Variants in LRCH2 observed in about 807,000 individuals in gnomAD.
LRCH2 encodes the protein leucine-rich repeat and calponin homology domain-containing protein 2.
In LRCH2, 38 loss-of-function variants were observed where a neutral mutation model predicts 68.9. That is an observed-to-expected ratio of 0.55 (90% CI 0.43 to 0.72). LRCH2 has a LOEUF of 0.72. LRCH2 is among the 30% of genes least tolerant of loss of function. The probability of loss-of-function intolerance (pLI) is 0.00; values close to 1 mark genes in which losing one functional copy is unlikely to be tolerated. For synonymous variants in LRCH2, 191 were observed against 208.1 expected (o/e 0.92, Z 0.71); for missense variants, 528 against 572.9 (o/e 0.92, Z 0.80).
intron 1 of LRCH2, among the ~76,000 whole-genome samples, chrX:115,197,837 TCTCTCTCTCTCA>T (rs1188288485): frequency 2.2e-5 from 1 of 45,787 alleles, no homozygotes; most frequent in Non-Finnish European, 4.1e-5. Context: ...TCTCTCTCTC[TCTCTCTCTCTCA>T]CACACACACA....
chrX:115,182,149 C>T (rs1182454378), intron 3 of LRCH2, among the ~76,000 whole-genome samples: 1 of 111,130 alleles, frequency 9.0e-6, no homozygotes, highest in African/African-American at 3.3e-5. Context: ...AACCAATCCC[C>T]CATAGAGGGA....
intron 14 of LRCH2, among the ~76,000 whole-genome samples, chrX:115,140,575 G>A (rs1307970214): frequency 2.7e-5 from 3 of 111,048 alleles, no homozygotes; most frequent in Non-Finnish European, 3.8e-5. Flanking sequence ...TCTAGGCCTC[G>A]GCTCTTGGGC....
intron 1 of LRCH2, among the ~76,000 whole-genome samples, chrX:115,224,208 A>T (rs1300286596): frequency 2.7e-5 from 3 of 111,447 alleles, no homozygotes; most frequent in African/African-American, 9.8e-5. Context: ...CTAGGGTTTG[A>T]TTGGTTGGGG....
Position 115,233,856 on chromosome X carries a change from G to A in LRCH2, c.186C>T (p.Asn62=), listed in dbSNP as rs2073170066. 1.7e-6 allele frequency: 2 copies of A among 1,166,933 alleles called. No homozygotes were observed. Among genetic ancestry groups the A allele is most frequent in the Admixed American group, 2.6e-5 (1 of 38,718 alleles). ...GGCTCCCCGGGTTCCACGGCGGCCC[G>A]TTGGGGAACGGCTGACCGAAAAGAG... ...VPTLFGQPFP[N]GPPWNPGSLQ... The change falls in exon 1 of 21, where the codon AAC becomes AAT. Residue 62 remains asparagine, a synonymous_variant. Coordinates refer to ENST00000317135, the MANE Select transcript of LRCH2 (RefSeq NM_020871.4).
rs1350385954 is a variant in LRCH2, at chrX:115,110,655, A to G, written c.*2561T>C. On this transcript the variant is annotated 3_prime_UTR_variant, in exon 21 of 21. Transcript: ENST00000317135. The stretch of plus-strand genomic sequence containing the variant: ...TTTATCCACAGTTTGCATCGGTAAT[A>G]TACATTTAAGTGTTCCATTTATTTT... 1 of 112,211 alleles carries G rather than the reference A, an allele frequency of 8.9e-6. No individual in the cohort carries two copies. The highest frequency in any genetic ancestry group is 1.9e-5 in the Non-Finnish European group (1 of 53,201). 9.2% of individuals were successfully genotyped at this position (112,211 alleles called of 1,213,427 possible). A position where few individuals can be genotyped will look rare whatever the true frequency, so the allele number is the denominator to read the frequency against.
chrX:115,192,328 G>A (rs1556561160), intron 1 of LRCH2: 1 of 1,081,340 alleles, frequency 9.2e-7, no homozygotes. Flanking sequence ...CCACAGTGGG[G>A]GCCGCGACAG....
At chrX:115,184,303 T>G (rs1556553660) in intron 3 of LRCH2, 108 bp downstream of exon 3, 11 of 620,528 alleles carry the variant, frequency 1.8e-5, no homozygotes, top group Non-Finnish European at 2.5e-5. Context: ...TATACCAAGT[T>G]AGTACTTTTT....
intron 1 of LRCH2, 130 bp downstream of exon 1, chrX:115,233,563 C>T: frequency 7.5e-6 from 5 of 667,935 alleles, no homozygotes; most frequent in Non-Finnish European, 1.1e-5. Flanking sequence ...ACGGGCTGCC[C>T]CGACTTTGTT....
intron 1 of LRCH2, chrX:115,191,882 G>C (rs1224520516): frequency 1.7e-6 from 2 of 1,165,659 alleles, no homozygotes; most frequent in East Asian, 3.3e-5. Flanking sequence ...CCCTGCAGAG[G>C]AGGAGGCCGC....
At chrX:115,160,253 T>C (rs1158665168) in intron 11 of LRCH2, among the ~76,000 whole-genome samples, 7 of 110,351 alleles carry the variant, frequency 6.3e-5, no homozygotes, top group Non-Finnish European at 1.3e-4. Context: ...GAGGTGGAGG[T>C]TGTGGTGAGC....
chrX:115,135,536 AG>A (rs1209594241), intron 14 of LRCH2, among the ~76,000 whole-genome samples: 1 of 111,929 alleles, frequency 8.9e-6, no homozygotes, highest in Non-Finnish European at 1.9e-5. Flanking sequence ...GGGATTTTTA[AG>A]GTAGAATTTA....
chrX:115,189,841 G>C, intron 1 of LRCH2: 1 of 1,167,220 alleles, frequency 8.6e-7, no homozygotes, highest in East Asian at 3.3e-5. Flanking sequence ...CCGCGGCTAC[G>C]CGGGGTATTT....
chrX:115,148,213 T>A (rs2072403491), intron 14 of LRCH2, among the ~76,000 whole-genome samples: 1 of 112,508 alleles, frequency 8.9e-6, no homozygotes, highest in Non-Finnish European at 1.9e-5. Context: ...TATTACTAAG[T>A]GAACTGAAGA....
rs181473397 is a variant in LRCH2 at position 115,194,378 on chromosome X, G to A, written c.350-6008C>T. On this transcript the variant is annotated intron_variant, in intron 1 of 20. Coordinates refer to ENST00000317135, the MANE Select transcript of LRCH2 (RefSeq NM_020871.4). ...CCTCTGGATACCCAAGCATCACACAGTTCTATTGGGGAAGAAAGTGAAGTC... is the reference window on the plus strand; with the variant it reads ...CCTCTGGATACCCAAGCATCACACAATTCTATTGGGGAAGAAAGTGAAGTC... Among the ~76,000 whole-genome samples, 29 of 111,968 alleles carry A rather than the reference G, an allele frequency of 2.6e-4. No individual in the cohort carries two copies. The South Asian group carries it at 0.01, about 39-fold the overall frequency.
chrX:115,178,422 A>T (rs193037044), intron 5 of LRCH2, among the ~76,000 whole-genome samples: 1 of 112,519 alleles, frequency 8.9e-6, no homozygotes, highest in East Asian at 2.8e-4. Flanking sequence ...GTATTGGACC[A>T]GTGTCGATTA....
At chrX:115,214,609 GA>G (rs1391915918) in intron 1 of LRCH2, among the ~76,000 whole-genome samples, 7 of 111,717 alleles carry the variant, frequency 6.3e-5, no homozygotes, top group Admixed American at 9.5e-5. Flanking sequence ...AAAAATGAAG[GA>G]AAAAAATGCT....
Position 115,112,992 on chromosome X carries a change from ATT to A in LRCH2, c.*222_*223del, listed in dbSNP as rs782562059. 26 of 251,496 alleles carry A rather than the reference ATT, an allele frequency of 1.0e-4. No individual in the cohort carries two copies. The highest frequency in any genetic ancestry group is 7.4e-4 in the African/African-American group (26 of 35,298). 20.7% of individuals were successfully genotyped at this position (251,496 alleles called of 1,213,427 possible). On this transcript the variant is annotated 3_prime_UTR_variant, in exon 21 of 21. Coordinates refer to ENST00000317135, the MANE Select transcript of LRCH2 (RefSeq NM_020871.4). Reference sequence around the variant, plus strand: ...TATCAACTGACTTAGTAAAAAGAGAATTTGAGTTTATCAAATACTCTTATTAA... The same window carrying A: ...TATCAACTGACTTAGTAAAAAGAGAATGAGTTTATCAAATACTCTTATTAA...
Position 115,110,868 on chromosome X carries a change from A to T in LRCH2, c.*2348T>A, listed in dbSNP as rs1603011392. 8.9e-6 allele frequency: 1 copy of T among 111,865 alleles called. No individual in the cohort carries two copies. The allele number at this position is 111,865 out of a possible 1,213,427, so 9.2% of individuals were successfully genotyped here. ...CCCAATGTCACTTCTTTCTTGTGCC[A>T]TACAGTAATAAAATGTAACAGAAAT... is the stretch of plus-strand genomic sequence containing the variant. On this transcript the variant is annotated 3_prime_UTR_variant, in exon 21 of 21. Coordinates refer to ENST00000317135, the MANE Select transcript of LRCH2 (RefSeq NM_020871.4).
chrX:115,173,156 C>T (rs1438592084), intron 5 of LRCH2, among the ~76,000 whole-genome samples: 1 of 111,018 alleles, frequency 9.0e-6, no homozygotes, highest in Admixed American at 9.7e-5. Flanking sequence ...GTATGAGTTA[C>T]AAATAAAATT....
Sources: allele counts gnomAD v4.1 joint callset (sites outside exome capture counted in the v4.1 genomes callset), GRCh38; gene constraint gnomAD v4.1.1; transcripts MANE v1.5; gene names NCBI Gene and HGNC (gene_info 2026-07-23, HGNC 2026-07-21).